EYS: variants seen among roughly 807,000 people sequenced by gnomAD.
EYS encodes the protein protein eyes shut homolog.
A neutral mutation model predicts 282.1 loss-of-function variants in EYS; 250 were observed. The observed-to-expected ratio is 0.89, with a 90% CI of 0.80 to 0.98. EYS has a LOEUF of 0.98. EYS is among the 50% of genes least tolerant of loss of function. The pLI, the probability that EYS is intolerant of heterozygous loss-of-function variation, is 0.00. For missense variants in EYS, 4,016 were observed against 3,709.0 expected, an observed-to-expected ratio of 1.08 and a Z score of -2.15; for synonymous variants, 1,355 against 1,282.9, an observed-to-expected ratio of 1.06 and a Z score of -1.20.
At chr6:65,632,721 T>C (rs954415643) in intron 2 of EYS, among the ~76,000 whole-genome samples, 2 of 152,196 alleles carry the variant, frequency 1.3e-5, no homozygotes, top group African/African-American at 2.4e-5. Context: ...CTTGGATGAC[T>C]ATAAGAATGT....
chr6:64,311,988 T>TTTTTGTTTTTG (rs1769728910), intron 29 of EYS, among the ~76,000 whole-genome samples: 2 of 150,516 alleles, frequency 1.3e-5, no homozygotes, highest in African/African-American at 4.9e-5. Flanking sequence ...GGTTTTTTTT[T>TTTTTGTTTTTG]TTTTCATACC....
chr6:63,937,449 C>CGGCTCACTACAATCTCCGCCTCCCG (rs1765103141), intron 35 of EYS, among the ~76,000 whole-genome samples: 1 of 133,234 alleles, frequency 7.5e-6, no homozygotes, highest in African/African-American at 2.8e-5. Context: ...GGCTCGATCT[C>CGGCTCACTACAATCTCCGCCTCCCG]GGCTCACTAC....
intron 26 of EYS, among the ~76,000 whole-genome samples, chr6:64,514,227 G>A (rs372003196): frequency 3.9e-4 from 59 of 151,770 alleles, no homozygotes; most frequent in African/African-American, 1.3e-3. Flanking sequence ...CCTACCTCAG[G>A]TAAAGGTTAA....
At chr6:65,311,272 T>C (rs1429297902) in intron 11 of EYS, among the ~76,000 whole-genome samples, 1 of 152,178 alleles carries the variant, frequency 6.6e-6, no homozygotes, top group Non-Finnish European at 1.5e-5. Flanking sequence ...CTCTATGAGC[T>C]GGGACATAAG....
chr6:64,157,529 C>T (rs911085560), intron 31 of EYS, among the ~76,000 whole-genome samples: 14 of 152,240 alleles, frequency 9.2e-5, no homozygotes, highest in African/African-American at 1.9e-4. Flanking sequence ...ATTACAGGCC[C>T]GGAGGCCAAG....
chr6:63,860,392 T>G (rs1772503988), intron 36 of EYS, among the ~76,000 whole-genome samples: 1 of 152,252 alleles, frequency 6.6e-6, no homozygotes, highest in African/African-American at 2.4e-5. Context: ...CTAAAGCTTG[T>G]ACTCTCAGCA....
intron 22 of EYS, among the ~76,000 whole-genome samples, chr6:64,747,115 T>C (rs1022286388): frequency 2.0e-5 from 3 of 152,170 alleles, no homozygotes; most frequent in African/African-American, 7.2e-5. Flanking sequence ...TTAAGTTAGT[T>C]TTTGTGAGTG....
intron 12 of EYS, among the ~76,000 whole-genome samples, chr6:65,260,114 C>A (rs1166517327): frequency 6.6e-6 from 1 of 151,988 alleles, no homozygotes; most frequent in African/African-American, 2.4e-5. Context: ...GGGAAGCAAG[C>A]AAGCTTCTTC....
intron 35 of EYS, among the ~76,000 whole-genome samples, chr6:63,879,266 TGCTA>T (rs1773064742): frequency 6.6e-6 from 1 of 152,224 alleles, no homozygotes; most frequent in South Asian, 2.1e-4. Flanking sequence ...TCCATGGACA[TGCTA>T]GTAACTATTT....
intron 26 of EYS, among the ~76,000 whole-genome samples, chr6:64,498,928 G>A (rs1042486496): frequency 1.3e-5 from 2 of 152,150 alleles, no homozygotes; most frequent in Non-Finnish European, 2.9e-5. Context: ...AAACACGTGT[G>A]CATGTGTATT....
chr6:64,395,816 A>C (rs1357234059), intron 28 of EYS, among the ~76,000 whole-genome samples: 1 of 152,098 alleles, frequency 6.6e-6, no homozygotes, highest in East Asian at 1.9e-4. Context: ...AAAAAACAAA[A>C]TAATAGTACA....
At chr6:65,367,529 GT>G (rs1484520611) in intron 8 of EYS, among the ~76,000 whole-genome samples, 1 of 151,268 alleles carries the variant, frequency 6.6e-6, no homozygotes, top group East Asian at 1.9e-4. Flanking sequence ...AAATATAAAT[GT>G]TTTAACTATT....
chr6:65,144,225 A>C (rs1209374205), intron 12 of EYS, among the ~76,000 whole-genome samples: 1 of 152,110 alleles, frequency 6.6e-6, no homozygotes, highest in Non-Finnish European at 1.5e-5. Context: ...TCTTGGCTAA[A>C]TATCTGTGTC....
intron 28 of EYS, among the ~76,000 whole-genome samples, chr6:64,425,098 G>A (rs1774358021): frequency 6.6e-6 from 1 of 152,148 alleles, no homozygotes. Context: ...GTAATGGAAT[G>A]TCAAAGTGAA....
intron 12 of EYS, among the ~76,000 whole-genome samples, chr6:65,136,182 G>A (rs541738782): frequency 1.3e-5 from 2 of 151,894 alleles, no homozygotes. Context: ...TAACACAAAA[G>A]TTTGATCCAT....
intron 22 of EYS, among the ~76,000 whole-genome samples, chr6:64,672,800 C>T (rs140959077): frequency 6.6e-6 from 1 of 152,096 alleles, no homozygotes; most frequent in Non-Finnish European, 1.5e-5. Flanking sequence ...AGTAATTTAA[C>T]TTTTCTGGTT....
chr6:64,882,478 C>T (rs1766954588), intron 19 of EYS, among the ~76,000 whole-genome samples: 1 of 151,478 alleles, frequency 6.6e-6, no homozygotes, highest in African/African-American at 2.4e-5. Flanking sequence ...TAGCTCCTGC[C>T]TACATTAACA....
chr6:63,799,360 C>T (rs1435144709), intron 37 of EYS, among the ~76,000 whole-genome samples: 5 of 151,950 alleles, frequency 3.3e-5, no homozygotes, highest in African/African-American at 1.2e-4. Flanking sequence ...ATACAAACTA[C>T]AGTTGAGATT....
intron 36 of EYS, among the ~76,000 whole-genome samples, chr6:63,840,936 T>C (rs1771940020): frequency 6.6e-6 from 1 of 152,224 alleles, no homozygotes; most frequent in Non-Finnish European, 1.5e-5. Flanking sequence ...TTTTGGTTAC[T>C]CTAGCTTTGA....
Sources: allele counts gnomAD v4.1 joint callset (sites outside exome capture counted in the v4.1 genomes callset), GRCh38; gene constraint gnomAD v4.1.1; transcripts MANE v1.5; gene names NCBI Gene and HGNC (gene_info 2026-07-23, HGNC 2026-07-21).